The following ZC3H12B variants were observed in gnomAD, a reference collection of about 807,000 sequenced individuals.
ZC3H12B encodes probable ribonuclease ZC3H12B.
A neutral mutation model predicts 43.9 loss-of-function variants in ZC3H12B; 7 were observed. The observed-to-expected ratio is 0.16, with a 90% confidence interval of 0.09 to 0.30. The LOEUF (loss-of-function observed/expected upper bound fraction) is 0.30, where lower values mean the gene tolerates loss of function less well. Ranked by LOEUF, ZC3H12B falls within the 10% of genes least tolerant of loss-of-function variation. The pLI is 1.00. For missense variants in ZC3H12B, 475 were observed against 670.2 expected (o/e 0.71, Z 3.22); for synonymous variants, 222 against 241.7 (o/e 0.92, Z 0.76).
chrX:65,280,956 C>T, the ZC3H12B span, among the ~76,000 whole-genome samples: 1 of 111,700 alleles, frequency 9.0e-6, no homozygotes, highest in Admixed American at 9.5e-5. Flanking sequence ...CAATACAACC[C>T]AAAGCAATCT....
At chrX:65,417,393 T>C (rs1173598090) in intron 3 of ZC3H12B, among the ~76,000 whole-genome samples, 1 of 112,835 alleles carries the variant, frequency 8.9e-6, no homozygotes. Context: ...TACTTTTACA[T>C]ATAAAAATTG....
the ZC3H12B span, among the ~76,000 whole-genome samples, chrX:65,307,656 A>G: frequency 1.8e-5 from 2 of 111,903 alleles, no homozygotes; most frequent in Non-Finnish European, 3.8e-5. Flanking sequence ...GACAGTATCA[A>G]GTAGTCTAAT....
the ZC3H12B span, among the ~76,000 whole-genome samples, chrX:65,226,400 C>A: frequency 9.0e-6 from 1 of 111,577 alleles, no homozygotes; most frequent in Admixed American, 9.5e-5. Flanking sequence ...ACAACCGGTA[C>A]CAGCCACTGC....
chrX:65,328,443 C>G, the ZC3H12B span: 4 of 259,458 alleles, frequency 1.5e-5, no homozygotes, highest in Admixed American at 1.7e-4. Context: ...AAGTCCCAGT[C>G]ACCAACTAGC....
the ZC3H12B span, among the ~76,000 whole-genome samples, chrX:65,152,962 G>A: frequency 8.9e-6 from 1 of 111,848 alleles, no homozygotes; most frequent in Non-Finnish European, 1.9e-5. Context: ...TGACAAACCT[G>A]AGAAACACAA....
intron 1 of ZC3H12B, among the ~76,000 whole-genome samples, chrX:65,494,805 A>G (rs1018956193): frequency 9.2e-5 from 10 of 108,721 alleles, no homozygotes; most frequent in African/African-American, 3.3e-4. Context: ...TAAATAAATA[A>G]ATAAATAAAT....
the ZC3H12B span, chrX:65,186,169 G>A: frequency 7.2e-5 from 8 of 111,108 alleles, no homozygotes; most frequent in Non-Finnish European, 1.1e-4. Flanking sequence ...AATTTACAAA[G>A]CCCTAGTTGC....
At chrX:65,393,462 C>G (rs1355518005) in intron 2 of ZC3H12B, among the ~76,000 whole-genome samples, 2 of 110,183 alleles carry the variant, frequency 1.8e-5, no homozygotes, top group African/African-American at 6.6e-5. Context: ...CCCACAACCC[C>G]CGAAAGGCCC....
the ZC3H12B span, among the ~76,000 whole-genome samples, chrX:65,111,761 C>T: frequency 9.1e-6 from 1 of 109,675 alleles, no homozygotes; most frequent in Non-Finnish European, 1.9e-5. Context: ...CAAACCATGC[C>T]CATATAAGAT....
At chrX:65,383,543 G>T (rs1353298272) in intron 2 of ZC3H12B, among the ~76,000 whole-genome samples, 20 of 111,511 alleles carry the variant, frequency 1.8e-4, no homozygotes, top group Admixed American at 1.1e-3. Context: ...ATAGGCTTGG[G>T]CAAGGACTTC....
At chrX:65,114,713 T>C in the ZC3H12B span, among the ~76,000 whole-genome samples, 1 of 110,787 alleles carries the variant, frequency 9.0e-6, no homozygotes, top group East Asian at 2.8e-4. Flanking sequence ...TTTTCTCTAA[T>C]ATTAAAATAA....
the ZC3H12B span, among the ~76,000 whole-genome samples, chrX:65,321,309 A>G: frequency 8.9e-6 from 1 of 112,369 alleles, no homozygotes; most frequent in Non-Finnish European, 1.9e-5. Context: ...AAATCTCAGC[A>G]TCACTGATTA....
chrX:65,106,674 C>G, the ZC3H12B span, among the ~76,000 whole-genome samples: 2 of 110,887 alleles, frequency 1.8e-5, no homozygotes, highest in Non-Finnish European at 3.8e-5. Context: ...TTTTTGGTTG[C>G]AGAGCCTGGA....
Position 65,423,476 on chromosome X carries a change from A to T in ZC3H12B, n.407+24772A>T, listed in dbSNP as rs2067044186. ...GATTGAGCTAATTTACACATCCAAC[A>T]GTGTAAAAGCATTTCTATTTCTCCA... On this transcript the variant is annotated intron_variant and non_coding_transcript_variant, in intron 3 of 5. Coordinates refer to the ZC3H12B transcript ENST00000617377. 2.7e-5 allele frequency among the ~76,000 whole-genome samples: 3 copies of T among 112,422 alleles called. No homozygotes were observed. In the South Asian group the frequency reaches 1.1e-3, roughly 41 times the overall value.
intron 3 of ZC3H12B, among the ~76,000 whole-genome samples, chrX:65,428,316 G>A (rs1172211066): frequency 8.9e-6 from 1 of 112,155 alleles, no homozygotes; most frequent in Non-Finnish European, 1.9e-5. Flanking sequence ...TGTATTGCTA[G>A]ATAGGGGAAG....
chrX:65,065,051 G>A, the ZC3H12B span, among the ~76,000 whole-genome samples: 1 of 110,053 alleles, frequency 9.1e-6, no homozygotes, highest in African/African-American at 3.3e-5. Flanking sequence ...ACATGAGATG[G>A]GTCTCCTGAA....
the ZC3H12B span, among the ~76,000 whole-genome samples, chrX:65,191,565 A>G: frequency 9.7e-6 from 1 of 103,189 alleles, no homozygotes; most frequent in African/African-American, 4.2e-5. Context: ...CATTTCTTCT[A>G]GATTTTCTAG....
chrX:65,301,017 C>T, the ZC3H12B span, among the ~76,000 whole-genome samples: 19 of 109,411 alleles, frequency 1.7e-4, no homozygotes, highest in Admixed American at 6.8e-4. Flanking sequence ...AAAAAGTGGG[C>T]TAAGGACATG....
At chrX:65,058,577 G>A in the ZC3H12B span, among the ~76,000 whole-genome samples, 21 of 112,028 alleles carry the variant, frequency 1.9e-4, no homozygotes, top group East Asian at 5.6e-3. Flanking sequence ...ACTCCATGCT[G>A]GGAGAACCAC....
Sources: gnomAD v4.1 joint callset for allele counts (sites outside exome capture counted in the v4.1 genomes callset) on GRCh38, gnomAD v4.1.1 for gene constraint, MANE v1.5 for transcripts, NCBI Gene and HGNC (gene_info 2026-07-23, HGNC 2026-07-21) for gene names.